The following COL28A1 variants were observed in gnomAD, a reference collection of about 807,000 sequenced individuals.
The protein encoded by COL28A1 is collagen alpha-1(XXVIII) chain.
COL28A1 carries 161 observed loss-of-function variants against 150.2 expected under a neutral mutation model. The ratio of observed to expected loss-of-function variants is 1.07; its 90% CI spans 0.94 to 1.22. The LOEUF is 1.22. COL28A1 is among the 50% of genes most tolerant of loss of function. COL28A1 has a pLI of 0.00. For missense variants in COL28A1, 1,617 were observed against 1,388.3 expected, an observed-to-expected ratio of 1.16 and a Z score of -2.62; for synonymous variants, 552 against 469.7, an observed-to-expected ratio of 1.18 and a Z score of -2.26.
intron 11 of COL28A1, among the ~76,000 whole-genome samples, chr7:7,497,548 C>G (rs149869382): frequency 2.0e-5 from 3 of 152,202 alleles, no homozygotes; most frequent in African/African-American, 7.2e-5. Flanking sequence ...AATCACTATG[C>G]CAAACTGCCT....
rs78620473 is a variant in COL28A1, at chr7:7,415,407, C to T, written c.2136+2452G>A. On this transcript the variant is annotated intron_variant, in intron 27 of 34. Transcript: ENST00000399429. ...CCCTTTTGCAGTGATGGTATTTCGTCGGTGCAAAAGTAATTGCGGTTTTTG... is the reference window on the plus strand; with the variant it reads ...CCCTTTTGCAGTGATGGTATTTCGTTGGTGCAAAAGTAATTGCGGTTTTTG... Among the ~76,000 whole-genome samples the T allele has an allele frequency of 2.1e-3, 327 of 152,320 alleles. 2 individuals carry two copies. Among genetic ancestry groups the T allele is most frequent in the African/African-American group, 6.8e-3 (283 of 41,564 alleles).
intron 13 of COL28A1, among the ~76,000 whole-genome samples, chr7:7,483,192 G>A (rs1199105386): frequency 1.3e-5 from 2 of 152,184 alleles, no homozygotes; most frequent in Non-Finnish European, 2.9e-5. Flanking sequence ...CATTGCGTTT[G>A]CATCCTCATA....
Position 7,472,722 on chromosome 7 carries a change from G to A in COL28A1, c.1302+1879C>T, listed in dbSNP as rs1040511555. ...AAAAGAGCCCACATAGCCAAAGCAA[G>A]ACTAAGCAAAAAGAACAAATCTGGA... On this transcript the variant is annotated intron_variant, in intron 15 of 34. Coordinates refer to ENST00000399429, the MANE Select transcript of COL28A1 (RefSeq NM_001037763.3). 9.2e-5 allele frequency among the ~76,000 whole-genome samples: 14 copies of A among 152,174 alleles called. 1 individual carries two copies. In the South Asian group the frequency reaches 2.9e-3, roughly 32 times the overall value.
chr7:7,358,865 A>G lies in COL28A1; in HGVS notation c.3206-60T>C. The G allele has an allele frequency of 2.2e-6, 3 of 1,362,930 alleles. No individual in the cohort carries two copies. The Admixed American group carries it at 6.4e-5, about 29-fold the overall frequency. The allele number at this position is 1,362,930 out of a possible 1,614,324, so 84.4% of individuals were successfully genotyped here. On this transcript the variant is annotated intron_variant, in intron 34 of 34. Transcript: ENST00000399429. The stretch of plus-strand genomic sequence containing the variant: ...TTCTTATACTGAAGACATGAAAAAT[A>G]AAAACTGTATAAAGTTATATAAATA...
Position 7,489,421 on chromosome 7 carries a change from C to T in COL28A1, c.1132G>A (p.Gly378Arg). 1 of 1,467,458 alleles carries T rather than the reference C, an allele frequency of 6.8e-7. No individual in the cohort carries two copies. 90.9% of individuals were successfully genotyped at this position (1,467,458 alleles called of 1,614,324 possible). The change falls in exon 13 of 35, where the codon GGA becomes AGA. Residue 378 changes from glycine to arginine, a missense_variant. Coordinates refer to ENST00000399429, the MANE Select transcript of COL28A1 (RefSeq NM_001037763.3). The stretch of plus-strand genomic sequence containing the variant: ...CCAGGCTCACCAACTCCAATGGGTC[C>T]TGGAGCTCCCGGTCTTCCTTCTTGG... ...RGQEGRPGAP[G>R]PIGVGEPGQP...
Position 7,532,736 on chromosome 7 carries a change from A to T in COL28A1, c.124+16T>A, listed in dbSNP as rs954974760. 52 of 1,234,604 alleles carry T rather than the reference A, an allele frequency of 4.2e-5. No homozygotes were observed. In the East Asian group the frequency reaches 1.3e-3, roughly 30 times the overall value. 76.5% of individuals were successfully genotyped at this position (1,234,604 alleles called of 1,614,324 possible). On this transcript the variant is annotated intron_variant, in intron 2 of 34. Coordinates refer to ENST00000399429, the MANE Select transcript of COL28A1 (RefSeq NM_001037763.3). ...AACAGGCTAAACTTAAAAACAAACA[A>T]TTTTTTTTTTTTTACCCTGGACATC...
chr7:7,382,634 G>C (rs1287480411), intron 27 of COL28A1, among the ~76,000 whole-genome samples: 1 of 152,044 alleles, frequency 6.6e-6, no homozygotes, highest in Non-Finnish European at 1.5e-5. Context: ...ATTTGACTCT[G>C]GATAATTATT....
At chr7:7,404,464 C>T (rs571422510) in intron 27 of COL28A1, among the ~76,000 whole-genome samples, 2 of 152,152 alleles carry the variant, frequency 1.3e-5, no homozygotes, top group African/African-American at 2.4e-5. Context: ...GCTGTTACCT[C>T]CCTGACCTCA....
At chr7:7,390,117 T>C (rs1472549211) in intron 27 of COL28A1, among the ~76,000 whole-genome samples, 1 of 152,228 alleles carries the variant, frequency 6.6e-6, no homozygotes, top group East Asian at 1.9e-4. Context: ...CACATGATAC[T>C]GGCTTTGGGT....
chr7:7,381,471 G>C, intron 28 of COL28A1, 73 bp downstream of exon 28: 1 of 1,070,840 alleles, frequency 9.3e-7, no homozygotes, highest in Non-Finnish European at 1.4e-6. Flanking sequence ...ATATATGAGA[G>C]TTCTTCCAAA....
intron 27 of COL28A1, among the ~76,000 whole-genome samples, chr7:7,406,389 T>G (rs1057437681): frequency 2.0e-5 from 3 of 152,158 alleles, no homozygotes; most frequent in Non-Finnish European, 2.9e-5. Flanking sequence ...CAACAAATAT[T>G]TATTAAGTGC....
chr7:7,463,824 T>C (rs1012777827), intron 15 of COL28A1, among the ~76,000 whole-genome samples: 14 of 152,122 alleles, frequency 9.2e-5, no homozygotes, highest in Non-Finnish European at 1.9e-4. Context: ...AATACTAACA[T>C]TGAATGTAAA....
intron 15 of COL28A1, among the ~76,000 whole-genome samples, chr7:7,458,355 G>T (rs1787338520): frequency 6.6e-6 from 1 of 152,030 alleles, no homozygotes; most frequent in African/African-American, 2.4e-5. Flanking sequence ...GGTGAATGGT[G>T]CAGTGAGCTG....
At chr7:7,486,009 A>G (rs1779606636) in intron 13 of COL28A1, among the ~76,000 whole-genome samples, 1 of 152,210 alleles carries the variant, frequency 6.6e-6, no homozygotes, top group African/African-American at 2.4e-5. Flanking sequence ...CTGGGGTATC[A>G]AAAACATTTG....
Position 7,478,044 on chromosome 7 carries a change from T to C in COL28A1, c.1165-864A>G, listed in dbSNP as rs192345855. Among the ~76,000 whole-genome samples the C allele has an allele frequency of 3.5e-3, 526 of 152,256 alleles. 3 individuals carry two copies. The highest frequency in any genetic ancestry group is 6.0e-3 in the Non-Finnish European group (409 of 68,008). Reference sequence around the variant, plus strand: ...AACCCTGAGCTAGACAGAGTGCTGATTGGCGCATTTACAAACCCTGAGCTA... The same window carrying C: ...AACCCTGAGCTAGACAGAGTGCTGACTGGCGCATTTACAAACCCTGAGCTA... On this transcript the variant is annotated intron_variant, in intron 13 of 34. Coordinates refer to ENST00000399429, the MANE Select transcript of COL28A1 (RefSeq NM_001037763.3).
Position 7,532,735 on chromosome 7 carries a change from A to C in COL28A1, c.124+17T>G. ...TAACAGGCTAAACTTAAAAACAAAC[A>C]ATTTTTTTTTTTTTACCCTGGACAT... is the stretch of plus-strand genomic sequence containing the variant. On this transcript the variant is annotated intron_variant, in intron 2 of 34. Transcript: ENST00000399429. The C allele has an allele frequency of 6.3e-7, 1 of 1,583,622 alleles. No individual in the cohort carries two copies. The highest frequency in any genetic ancestry group is 8.5e-7 in the Non-Finnish European group (1 of 1,172,668).
intron 27 of COL28A1, among the ~76,000 whole-genome samples, chr7:7,393,649 A>C (rs1294648): frequency 0.65 from 98,091 of 152,032 alleles, 31,941 homozygotes; most frequent in South Asian, 0.69. Context: ...ATATGCCCTG[A>C]CCAGAGAGGA....
In COL28A1 at chr7:7,362,671, T is replaced by A. The variant is rs534112554; in HGVS notation, c.3067-2143A>T. 2.6e-5 allele frequency among the ~76,000 whole-genome samples: 4 copies of A among 152,288 alleles called. No individual in the cohort carries two copies. In the South Asian group the frequency reaches 8.3e-4, roughly 32 times the overall value. On this transcript the variant is annotated intron_variant, in intron 33 of 34. Transcript: ENST00000399429. ...TAAAGGGCACACAATTCAAATACAA[T>A]AGGAAATTTTCACTGTCCCCTAAAC... is the stretch of plus-strand genomic sequence containing the variant.
At chr7:7,542,634 T>C in the COL28A1 span, among the ~76,000 whole-genome samples, 1 of 152,222 alleles carries the variant, frequency 6.6e-6, no homozygotes, top group African/African-American at 2.4e-5. Context: ...TAAACAGTGG[T>C]TTCTTTTATG....
Sources: allele counts gnomAD v4.1 joint callset (sites outside exome capture counted in the v4.1 genomes callset), GRCh38; gene constraint gnomAD v4.1.1; transcripts MANE v1.5; gene names NCBI Gene and HGNC (gene_info 2026-07-23, HGNC 2026-07-21).